The following CNOT1 variants were observed in gnomAD, a reference collection of about 807,000 sequenced individuals.
CNOT1 encodes CCR4-NOT transcription complex subunit 1.
Under a neutral mutation model 273.8 loss-of-function variants are expected in CNOT1, and 15 were observed. That is an observed-to-expected ratio of 0.05 (90% CI 0.04 to 0.08). The LOEUF is 0.08. Ranked by LOEUF, CNOT1 falls within the 10% of genes least tolerant of loss-of-function variation. The pLI is 1.00. For missense variants in CNOT1, 1,644 were observed against 2,912.2 expected (o/e 0.56, Z 10.02); for synonymous variants, 1,022 against 1,005.5 (o/e 1.02, Z -0.31).
chr16:58,520,888 T>C lies in CNOT1; in HGVS notation c.*70A>G. ...AAGTCAGGAAGAGCTGAAAGGATTC[T>C]TCAGTCAGTTTATGAACTCGGTGCA... is the stretch of plus-strand genomic sequence containing the variant. On this transcript the variant is annotated 3_prime_UTR_variant, in exon 49 of 49. Coordinates refer to ENST00000317147, the MANE Select transcript of CNOT1 (RefSeq NM_016284.5). 6.7e-7 allele frequency: 1 copy of C among 1,488,574 alleles called. No homozygotes were observed. 92.2% of individuals were successfully genotyped at this position (1,488,574 alleles called of 1,614,324 possible).
rs771102523 is a variant in CNOT1 at position 58,586,534 on chromosome 16, G to A, written c.637+11C>T. ...AAAACCACCCACTGTAGGCTACAAA[G>A]ACTCCCTTACCTCTGCGCAGCGTCT... is the stretch of plus-strand genomic sequence containing the variant. On this transcript the variant is annotated intron_variant, in intron 7 of 48. Coordinates refer to ENST00000317147, the MANE Select transcript of CNOT1 (RefSeq NM_016284.5). 1 of 1,607,632 alleles carries A rather than the reference G, an allele frequency of 6.2e-7. No homozygotes were observed. Among genetic ancestry groups the A allele is most frequent in the South Asian group, 1.1e-5 (1 of 90,754 alleles).
In CNOT1 at chr16:58,546,747, A is replaced by C; in HGVS notation, c.3753T>G (p.Val1251=). The part of the protein sequence containing the change: ...KVLESSIRSV[V]FRPPNPWTMA... ...TTGTCCAAGGGTTTGGTGGCCTAAA[A>C]ACCTAAAGAAAAGCTATTATGTTAA... is the stretch of plus-strand genomic sequence containing the variant. The change falls in exon 28 of 49, where the codon GTT becomes GTG. Residue 1251 remains valine (V), a splice_region_variant and synonymous_variant. Coordinates refer to ENST00000317147, the MANE Select transcript of CNOT1 (RefSeq NM_016284.5). The C allele has an allele frequency of 6.2e-7, 1 of 1,613,886 alleles. No individual in the cohort carries two copies. The highest frequency in any genetic ancestry group is 1.3e-5 in the African/African-American group (1 of 75,002).
At chr16:58,577,202 T>C (rs2041485444) in intron 13 of CNOT1, among the ~76,000 whole-genome samples, 2 of 152,156 alleles carry the variant, frequency 1.3e-5, no homozygotes, top group Non-Finnish European at 2.9e-5. Context: ...AGACCACTAC[T>C]ATTGCTATAT....
rs747719371 is a variant in CNOT1 at position 58,532,411 on chromosome 16, A to G, written c.5896-16T>C. 52 of 1,605,906 alleles carry G rather than the reference A, an allele frequency of 3.2e-5. No individual in the cohort carries two copies. The Admixed American group carries it at 5.5e-4, about 17-fold the overall frequency. On this transcript the variant is annotated splice_polypyrimidine_tract_variant and intron_variant, in intron 40 of 48. Transcript: ENST00000317147. Reference sequence around the variant, plus strand: ...TACCAAGGACCTACGTAAAACACAAATCAGAGCTTGTAAATCATTCAGATA... The same window carrying G: ...TACCAAGGACCTACGTAAAACACAAGTCAGAGCTTGTAAATCATTCAGATA...
At position 58,599,138 on chromosome 16, in the gene CNOT1, G is replaced by C. The variant is rs927554978; in HGVS notation, c.102+98C>G. ...CACTTGAATTAAGGGGCAAAAGTTA[G>C]TTACCTTTCATGCAACATGCCCACA... On this transcript the variant is annotated intron_variant, in intron 2 of 48. Transcript: ENST00000317147. 11 of 1,484,962 alleles carry C rather than the reference G, an allele frequency of 7.4e-6. No individual in the cohort carries two copies. The East Asian group carries it at 1.9e-4, about 26-fold the overall frequency. 92.0% of individuals were successfully genotyped at this position (1,484,962 alleles called of 1,614,324 possible). A position where few individuals can be genotyped will look rare whatever the true frequency, so the allele number is the denominator to read the frequency against.
chr16:58,531,663 T>C (rs2039782587), intron 42 of CNOT1, among the ~76,000 whole-genome samples: 1 of 151,262 alleles, frequency 6.6e-6, no homozygotes, highest in African/African-American at 2.4e-5. Context: ...TTCCTGTATA[T>C]AAAGAAGCAA....
chr16:58,582,229 G>A (rs1226869242), intron 10 of CNOT1, among the ~76,000 whole-genome samples: 1 of 152,030 alleles, frequency 6.6e-6, no homozygotes, highest in Non-Finnish European at 1.5e-5. Context: ...GAGCCAGAGG[G>A]TGCAGTGAGC....
At chr16:58,534,654 GGTCCCCACCA>G (rs1223730963) in intron 39 of CNOT1, among the ~76,000 whole-genome samples, 4 of 152,110 alleles carry the variant, frequency 2.6e-5, no homozygotes, top group African/African-American at 9.7e-5. Flanking sequence ...TTGAACAGTA[GGTCCCCACCA>G]AATAATGTGA....
chr16:58,599,765 G>A (rs746624263), intron 1 of CNOT1, among the ~76,000 whole-genome samples: 1 of 152,130 alleles, frequency 6.6e-6, no homozygotes, highest in Non-Finnish European at 1.5e-5. Context: ...GGCAGGGCAA[G>A]TATAAAAAGA....
At chr16:58,620,785 G>T (rs1384774546) in intron 1 of CNOT1, among the ~76,000 whole-genome samples, 1 of 151,508 alleles carries the variant, frequency 6.6e-6, no homozygotes, top group African/African-American at 2.4e-5. Flanking sequence ...TCCAGATGAA[G>T]GTATTAGAAT....
In CNOT1 at chr16:58,558,464, C is replaced by T. The variant is rs374737016; in HGVS notation, c.2332+9G>A. On this transcript the variant is annotated intron_variant, in intron 18 of 48. Coordinates refer to ENST00000317147, the MANE Select transcript of CNOT1 (RefSeq NM_016284.5). ...GAATAATCCATGCTCTCATTTGCCT[C>T]CCCCTTACCTGGAAGCTGTGATGAA... 30 of 1,613,614 alleles carry T rather than the reference C, an allele frequency of 1.9e-5. No homozygotes were observed. The highest frequency in any genetic ancestry group is 3.4e-4 in the Middle Eastern group (2 of 5,938).
chr16:58,625,767 A>C (rs1460197717), intron 1 of CNOT1, among the ~76,000 whole-genome samples: 1 of 150,970 alleles, frequency 6.6e-6, no homozygotes, highest in African/African-American at 2.4e-5. Context: ...CTGAGGTGAG[A>C]GACTGACCTG....
chr16:58,523,318 T>A (rs941412039), intron 47 of CNOT1, 52 bp downstream of exon 47: 5 of 1,483,042 alleles, frequency 3.4e-6, no homozygotes, highest in Admixed American at 2.2e-5. Flanking sequence ...AAAAAAAAGA[T>A]GAAAGGGAGG....
rs917639330 is a variant in CNOT1 at position 58,528,769 on chromosome 16, T to C, written c.6280-121A>G. 6.5e-6 allele frequency: 4 copies of C among 619,740 alleles called. No individual in the cohort carries two copies. In the Admixed American group the frequency reaches 1.3e-4, roughly 20 times the overall value. The allele number at this position is 619,740 out of a possible 1,614,324, so 38.4% of individuals were successfully genotyped here. A position where few individuals can be genotyped will look rare whatever the true frequency, so the allele number is the denominator to read the frequency against. ...TGAAGTATACTTTAGTAACATTTCT[T>C]AAAAAGTTTTAGGCTTTAATTAACA... On this transcript the variant is annotated intron_variant, in intron 43 of 48. Transcript: ENST00000317147.
chr16:58,525,290 G>C lies in CNOT1; in HGVS notation c.6673C>G (p.Gln2225Glu). The C allele has an allele frequency of 6.2e-7, 1 of 1,613,982 alleles. No individual in the cohort carries two copies. Among genetic ancestry groups the C allele is most frequent in the Non-Finnish European group, 8.5e-7 (1 of 1,180,038 alleles). The change falls in exon 46 of 49, where the codon CAG (glutamine) becomes GAG (glutamate). Residue 2225 changes from glutamine (Q) to glutamate (E), a missense_variant. Coordinates refer to ENST00000317147, the MANE Select transcript of CNOT1 (RefSeq NM_016284.5). Reference sequence around the variant, plus strand: ...TTGTTGTGGATGTGCGCAATGGCCTGAGTCCCGACATAGAGCACCAGTGCA... The same window carrying C: ...TTGTTGTGGATGTGCGCAATGGCCTCAGTCCCGACATAGAGCACCAGTGCA... ...INALVLYVGT[Q>E]AIAHIHNKGS...
At chr16:58,590,517 C>T (rs1009015800) in intron 2 of CNOT1, among the ~76,000 whole-genome samples, 1 of 152,104 alleles carries the variant, frequency 6.6e-6, no homozygotes, top group African/African-American at 2.4e-5. Flanking sequence ...ATCGCTTGAA[C>T]CCAGGAGGCG....
At chr16:58,553,722 A>C in intron 22 of CNOT1, 60 bp downstream of exon 22, 1 of 1,535,480 alleles carries the variant, frequency 6.5e-7, no homozygotes, top group Non-Finnish European at 8.7e-7. Context: ...AAAAAGCCAA[A>C]ATATTAAACC....
chr16:58,561,242 T>A (rs2040830995), intron 16 of CNOT1, among the ~76,000 whole-genome samples: 1 of 152,206 alleles, frequency 6.6e-6, no homozygotes, highest in African/African-American at 2.4e-5. Context: ...TCCCTCTGCA[T>A]CTGTCACTCA....
intron 42 of CNOT1, among the ~76,000 whole-genome samples, chr16:58,530,960 C>A (rs37059): frequency 6.6e-6 from 1 of 151,898 alleles, no homozygotes; most frequent in African/African-American, 2.4e-5. Flanking sequence ...AGTAAACTTC[C>A]GAGAGAACAC....
Sources: gnomAD v4.1 joint callset for allele counts (sites outside exome capture counted in the v4.1 genomes callset) on GRCh38, gnomAD v4.1.1 for gene constraint, MANE v1.5 for transcripts, NCBI Gene and HGNC (gene_info 2026-07-23, HGNC 2026-07-21) for gene names.